The following PON1 variants were observed in gnomAD, a reference collection of about 807,000 sequenced individuals.
PON1 encodes the protein serum paraoxonase/arylesterase 1.
PON1 carries 37 observed loss-of-function variants against 39.2 expected under a neutral mutation model. The ratio of observed to expected loss-of-function variants is 0.94; its 90% CI spans 0.73 to 1.24. The LOEUF is 1.24. Among genes scored for constraint, PON1 ranks in the 50% most tolerant of loss-of-function variants. The probability of loss-of-function intolerance (pLI) is 0.00; values close to 1 mark genes in which losing one functional copy is unlikely to be tolerated. For synonymous variants in PON1, 148 were observed against 152.2 expected (o/e 0.97, Z 0.21); for missense variants, 397 against 413.5 (o/e 0.96, Z 0.35).
intron 8 of PON1, 105 bp downstream of exon 8, chr7:95,302,096 CAAAA>C (rs770841829): frequency 4.5e-3 from 1,439 of 316,976 alleles, no homozygotes; most frequent in Middle Eastern, 6.5e-3. Context: ...TACTCTGTCA[CAAAA>C]AAAAAAAAAA....
intron 4 of PON1, 81 bp from the exon 5 acceptor site, chr7:95,311,658 C>A: frequency 6.9e-7 from 1 of 1,439,208 alleles, no homozygotes; most frequent in African/African-American, 1.4e-5. Context: ...AATTTCAACC[C>A]ACCTCCAGCT....
chr7:95,319,065 AGC>A (rs1181152029), intron 1 of PON1, among the ~76,000 whole-genome samples: 1 of 152,054 alleles, frequency 6.6e-6, no homozygotes, highest in African/African-American at 2.4e-5. Context: ...AGCAGAGCGA[AGC>A]TACTGATGCT....
chr7:95,299,192 T>C (rs1807362137), intron 8 of PON1, 90 bp from the exon 9 acceptor site: 2 of 1,293,252 alleles, frequency 1.5e-6, no homozygotes, highest in African/African-American at 1.5e-5. Context: ...TAAGAAGCCA[T>C]ATAATCTTAT....
chr7:95,318,262 C>T lies in PON1; in HGVS notation c.145+61G>A, dbSNP rs1807815102. On this transcript the variant is annotated intron_variant, in intron 2 of 8. Coordinates refer to ENST00000222381, the MANE Select transcript of PON1 (RefSeq NM_000446.7). ...CAGAATTGAACAGGCACATTAATCA[C>T]ACAAAGAGCAAAAAAATACCGGAAG... The T allele has an allele frequency of 4.2e-6, 6 of 1,422,880 alleles. No homozygotes were observed. In the Admixed American group the frequency reaches 1.0e-4, roughly 24 times the overall value. 88.1% of individuals were successfully genotyped at this position (1,422,880 alleles called of 1,614,324 possible).
At position 95,308,089 on chromosome 7, in the gene PON1, T is replaced by G. The variant is rs1807578066; in HGVS notation, c.620A>C (p.Tyr207Ser). The G allele has an allele frequency of 6.2e-7, 1 of 1,614,120 alleles. No individual in the cohort carries two copies. Among genetic ancestry groups the G allele is most frequent in the Non-Finnish European group, 8.5e-7 (1 of 1,180,022 alleles). ...CACTCGAACTTCACTTGGACTATAG[T>G]AGACAACATACGACCACGCTAAACC... is the stretch of plus-strand genomic sequence containing the variant. The part of the protein sequence containing the change: ...YLGLAWSYVV[Y>S]YSPSEVRVVA... The change falls in exon 6 of 9, where the codon TAC becomes TCC. Residue 207 changes from tyrosine (Y) to serine (S), a missense_variant. Transcript: ENST00000222381.
At chr7:95,302,564 A>G (rs1455716331) in intron 7 of PON1, among the ~76,000 whole-genome samples, 1 of 152,174 alleles carries the variant, frequency 6.6e-6, no homozygotes, top group African/African-American at 2.4e-5. Context: ...AGATACAGAA[A>G]GCCAAGAAAG....
intron 1 of PON1, among the ~76,000 whole-genome samples, chr7:95,318,814 T>C (rs867117095): frequency 2.2e-4 from 33 of 152,210 alleles, no homozygotes; most frequent in Non-Finnish European, 4.6e-4. Flanking sequence ...CAGCCTGGAC[T>C]GGGCATCTGC....
intron 5 of PON1, 104 bp downstream of exon 5, chr7:95,311,347 G>T: frequency 7.3e-7 from 1 of 1,362,854 alleles, no homozygotes; most frequent in Non-Finnish European, 1.0e-6. Flanking sequence ...CATTAGAAAT[G>T]AGAGTTGAAC....
chr7:95,314,774 A>G (rs748453171), intron 4 of PON1, among the ~76,000 whole-genome samples: 1 of 152,146 alleles, frequency 6.6e-6, no homozygotes, highest in African/African-American at 2.4e-5. Context: ...GTGACAGCAA[A>G]TGGAAAGGGA....
chr7:95,324,255 A>G, intron 1 of PON1, 147 bp downstream of exon 1: 1 of 770,504 alleles, frequency 1.3e-6, no homozygotes, highest in Non-Finnish European at 2.3e-6. Flanking sequence ...GGCTGGACAA[A>G]CATTTATGAA....
In PON1 at chr7:95,306,265, A is replaced by G. The variant is rs369003531; in HGVS notation, c.780+20T>C. On this transcript the variant is annotated intron_variant, in intron 7 of 8. Transcript: ENST00000222381. The stretch of plus-strand genomic sequence containing the variant: ...AATCTAATTATCACTCTGCAGACTT[A>G]CAGTGTTAATACGTCTTACCTTCAA... The G allele has an allele frequency of 3.3e-6, 5 of 1,527,000 alleles. No homozygotes were observed. The highest frequency in any genetic ancestry group is 1.7e-4 in the Middle Eastern group (1 of 5,912). The allele number at this position is 1,527,000 out of a possible 1,614,324, so 94.6% of individuals were successfully genotyped here. A position where few individuals can be genotyped will look rare whatever the true frequency, so the allele number is the denominator to read the frequency against.
chr7:95,298,034 T>A lies in PON1; in HGVS notation c.*910A>T, dbSNP rs1438967199. The A allele has an allele frequency of 6.6e-6, 1 of 151,600 alleles. No homozygotes were observed. The highest frequency in any genetic ancestry group is 2.4e-5 in the African/African-American group (1 of 41,166). The allele number at this position is 151,600 out of a possible 1,614,324, so 9.4% of individuals were successfully genotyped here. On this transcript the variant is annotated 3_prime_UTR_variant, in exon 9 of 9. Coordinates refer to ENST00000222381, the MANE Select transcript of PON1 (RefSeq NM_000446.7). ...CTATTTATTTGTTTGTTTACCTTTC[T>A]ATTATTTTTTTTCTTTTCAGCCTCC...
rs1807308780 is a variant in PON1, at chr7:95,297,945, G to T, written c.*999C>A. 6.6e-6 allele frequency: 1 copy of T among 152,144 alleles called. No homozygotes were observed. Among genetic ancestry groups the T allele is most frequent in the Non-Finnish European group, 1.5e-5 (1 of 68,024 alleles). The allele number at this position is 152,144 out of a possible 1,614,324, so 9.4% of individuals were successfully genotyped here. A position where few individuals can be genotyped will look rare whatever the true frequency, so the allele number is the denominator to read the frequency against. On this transcript the variant is annotated 3_prime_UTR_variant, in exon 9 of 9. Transcript: ENST00000222381. ...TATATATCAGTTTCTATAACAAAAT[G>T]ATAAAGTCATGTTTTCTTCCTAGTC...
intron 7 of PON1, among the ~76,000 whole-genome samples, chr7:95,302,998 A>C (rs1417804398): frequency 6.6e-6 from 1 of 152,208 alleles, no homozygotes; most frequent in Non-Finnish European, 1.5e-5. Context: ...ATGATTCTTA[A>C]TTCCACCATT....
intron 2 of PON1, among the ~76,000 whole-genome samples, chr7:95,317,175 C>A (rs1189357922): frequency 6.6e-6 from 1 of 152,026 alleles, no homozygotes; most frequent in Non-Finnish European, 1.5e-5. Context: ...CTTAATACTT[C>A]CAAATCAATT....
At chr7:95,306,894 G>T (rs965034092) in intron 6 of PON1, among the ~76,000 whole-genome samples, 1 of 151,660 alleles carries the variant, frequency 6.6e-6, no homozygotes, top group Non-Finnish European at 1.5e-5. Context: ...AAAGATCTGG[G>T]GTTAGTCTAA....
intron 1 of PON1, among the ~76,000 whole-genome samples, chr7:95,323,886 C>T (rs969417445): frequency 2.0e-5 from 3 of 152,172 alleles, no homozygotes; most frequent in Non-Finnish European, 4.4e-5. Context: ...CCCACTGAAG[C>T]GAACCATCAC....
At chr7:95,319,292 C>T (rs538151100) in intron 1 of PON1, among the ~76,000 whole-genome samples, 3 of 151,832 alleles carry the variant, frequency 2.0e-5, no homozygotes, top group East Asian at 3.9e-4. Flanking sequence ...GGGCTACAGG[C>T]GGAACAGACA....
chr7:95,309,869 A>G (rs550287091), intron 5 of PON1, among the ~76,000 whole-genome samples: 2 of 152,342 alleles, frequency 1.3e-5, no homozygotes, highest in Admixed American at 1.3e-4. Context: ...ACCATAAAAT[A>G]CAAAGAAGAA....
Sources: allele counts gnomAD v4.1 joint callset (sites outside exome capture counted in the v4.1 genomes callset), GRCh38; gene constraint gnomAD v4.1.1; transcripts MANE v1.5; gene names NCBI Gene and HGNC (gene_info 2026-07-23, HGNC 2026-07-21).